The following PDLIM1 variants were observed in gnomAD, a reference collection of about 807,000 sequenced individuals.
PDLIM1 encodes PDZ and LIM domain 1.
Under a neutral mutation model 35.2 loss-of-function variants are expected in PDLIM1, and 25 were observed. The ratio of observed to expected loss-of-function variants is 0.71; its 90% CI spans 0.52 to 0.99. The LOEUF (loss-of-function observed/expected upper bound fraction) is 0.99. Ranked by LOEUF, PDLIM1 falls within the 50% of genes least tolerant of loss-of-function variation. The pLI is 0.00. For synonymous variants in PDLIM1, 152 were observed against 154.0 expected (o/e 0.99, Z 0.10); for missense variants, 363 against 415.3 (o/e 0.87, Z 1.09).
intron 4 of PDLIM1, among the ~76,000 whole-genome samples, chr10:95,253,294 G>A (rs959219870): frequency 5.3e-5 from 8 of 152,166 alleles, no homozygotes; most frequent in African/African-American, 1.9e-4. Flanking sequence ...CTTCAAGAAT[G>A]AAGGAGAAAT....
At position 95,290,074 on chromosome 10, in the gene PDLIM1, T is replaced by G. The variant is rs943630055; in HGVS notation, c.96+746A>C. Among the ~76,000 whole-genome samples, 1 of 152,128 alleles carries G rather than the reference T, an allele frequency of 6.6e-6. No individual in the cohort carries two copies. The highest frequency in any genetic ancestry group is 1.5e-5 in the Non-Finnish European group (1 of 68,036). On this transcript the variant is annotated intron_variant, in intron 1 of 6. Coordinates refer to ENST00000329399, the MANE Select transcript of PDLIM1 (RefSeq NM_020992.4). The surrounding 1 kb of genome is among the most constrained non-coding windows in gnomAD (Gnocchi z 4.7). ...AAAGATCCGAAGCCCCTCTTAGATT[T>G]CAAGCACCTCAACCCCACCCCAGGT...
At chr10:95,246,852 C>A (rs1424307844) in intron 5 of PDLIM1, among the ~76,000 whole-genome samples, 1 of 152,144 alleles carries the variant, frequency 6.6e-6, no homozygotes, top group Non-Finnish European at 1.5e-5. Context: ...CACTGAAGTT[C>A]CTCAGCCACT....
intron 5 of PDLIM1, among the ~76,000 whole-genome samples, chr10:95,243,654 G>C (rs2035196134): frequency 6.6e-6 from 1 of 152,128 alleles, no homozygotes; most frequent in African/African-American, 2.4e-5. Flanking sequence ...GGCCACCACT[G>C]TGTTTTCTCA....
At chr10:95,283,985 G>GTGTGTGTA (rs2035580900) in intron 1 of PDLIM1, among the ~76,000 whole-genome samples, 2 of 87,770 alleles carry the variant, frequency 2.3e-5, no homozygotes, top group Non-Finnish European at 5.6e-5. Flanking sequence ...TTTTCTCTGT[G>GTGTGTGTA]TGTGTGTGTG....
At chr10:95,251,034 T>A (rs991418669) in intron 4 of PDLIM1, among the ~76,000 whole-genome samples, 3 of 151,950 alleles carry the variant, frequency 2.0e-5, no homozygotes, top group African/African-American at 7.3e-5. Flanking sequence ...CAGAGGAGGA[T>A]TTTGGAGGCT....
Position 95,290,892 on chromosome 10 carries a change from G to T in PDLIM1, c.24C>A (p.Leu8=). The T allele has an allele frequency of 6.4e-7, 1 of 1,563,564 alleles. No individual in the cohort carries two copies. Among genetic ancestry groups the T allele is most frequent in the Non-Finnish European group, 8.7e-7 (1 of 1,154,574 alleles). The change falls in exon 1 of 7, where the codon CTC becomes CTA. Residue 8 remains leucine (L), a synonymous_variant. Coordinates refer to ENST00000329399, the MANE Select transcript of PDLIM1 (RefSeq NM_020992.4). The surrounding 1 kb of genome is among the most constrained non-coding windows in gnomAD (Gnocchi z 4.7). ...GGAAGCCCCACGGCCCCGGGCCCTG[G>T]AGGTCTATCTGCTGGGTGGTCATGG... The part of the protein sequence containing the change: MTTQQID[L]QGPGPWGFRL...
At chr10:95,244,126 T>A (rs941786263) in intron 5 of PDLIM1, among the ~76,000 whole-genome samples, 2 of 152,176 alleles carry the variant, frequency 1.3e-5, no homozygotes, top group Non-Finnish European at 2.9e-5. Context: ...TATTTCACCA[T>A]TTTTCTTAAT....
At position 95,237,830 on chromosome 10, in the gene PDLIM1, T is replaced by C. The variant is rs2133405426; in HGVS notation, c.*95A>G. On this transcript the variant is annotated 3_prime_UTR_variant, in exon 7 of 7. Coordinates refer to ENST00000329399, the MANE Select transcript of PDLIM1 (RefSeq NM_020992.4). ...TTTACAAGCAGAGGGAAAACCAAAG[T>C]AAGCAGAGAACTTTCAAGAGAGGAG... 9.2e-7 allele frequency: 1 copy of C among 1,092,646 alleles called. No individual in the cohort carries two copies. The highest frequency in any genetic ancestry group is 1.3e-6 in the Non-Finnish European group (1 of 759,084). 67.7% of individuals were successfully genotyped at this position (1,092,646 alleles called of 1,614,324 possible).
chr10:95,241,586 C>T (rs12415795), intron 5 of PDLIM1, among the ~76,000 whole-genome samples: 46,683 of 152,044 alleles, frequency 0.31, 7,989 homozygotes, highest in Non-Finnish European at 0.39. Flanking sequence ...ACAACAAGGA[C>T]TCATATGGCC....
Position 95,238,667 on chromosome 10 carries a change from G to A in PDLIM1, c.704C>T (p.Ser235Leu). 1 of 1,612,834 alleles carries A rather than the reference G, an allele frequency of 6.2e-7. No individual in the cohort carries two copies. Among genetic ancestry groups the A allele is most frequent in the Non-Finnish European group, 8.5e-7 (1 of 1,178,824 alleles). Residue 235 changes from serine to leucine, a missense_variant, in exon 6 of 7, where the codon TCA becomes TTA. By Grantham distance (145) the Ser-to-Leu change is moderately radical. Coordinates refer to ENST00000329399, the MANE Select transcript of PDLIM1 (RefSeq NM_020992.4). ...AGGAGCTTTAACACTTCTGAATCCT[G>A]AGGGCTTGTTGGGATCCCCTGAAAT... is the stretch of plus-strand genomic sequence containing the variant. ...SEEKGDPNKP[S>L]GFRSVKAPVT...
intron 4 of PDLIM1, among the ~76,000 whole-genome samples, chr10:95,260,043 T>A (rs527248490): frequency 1.3e-5 from 2 of 152,352 alleles, no homozygotes; most frequent in East Asian, 3.9e-4. Context: ...CCCCCAGTTC[T>A]CAGAAGTGAT....
At chr10:95,263,234 TC>T (rs1233918602) in intron 4 of PDLIM1, among the ~76,000 whole-genome samples, 2 of 151,810 alleles carry the variant, frequency 1.3e-5, no homozygotes, top group Admixed American at 1.3e-4. Context: ...GCAAGGCACT[TC>T]CTCAGACACC....
At chr10:95,248,413 AT>A (rs2035241216) in intron 4 of PDLIM1, among the ~76,000 whole-genome samples, 1 of 151,918 alleles carries the variant, frequency 6.6e-6, no homozygotes, top group South Asian at 2.1e-4. Flanking sequence ...TCCCCCGCTG[AT>A]TTTGTCATTA....
intron 3 of PDLIM1, among the ~76,000 whole-genome samples, chr10:95,265,768 C>T (rs1441364872): frequency 1.3e-5 from 2 of 151,294 alleles, no homozygotes; most frequent in Admixed American, 1.3e-4. Context: ...GTTAGACAGT[C>T]AAGTAGCCTG....
intron 5 of PDLIM1, 158 bp from the exon 6 acceptor site, chr10:95,238,843 G>T: frequency 1.8e-6 from 1 of 547,172 alleles, no homozygotes; most frequent in East Asian, 2.9e-5. Flanking sequence ...AGCCTCTCTG[G>T]TCCCCAGTTT....
chr10:95,276,896 T>TAAAAAAAAAAA (rs61442624), intron 1 of PDLIM1, among the ~76,000 whole-genome samples: 2 of 68,878 alleles, frequency 2.9e-5, no homozygotes, highest in Non-Finnish European at 5.2e-5. Flanking sequence ...TTCAGTTTCC[T>TAAAAAAAAAAA]AAAAAAAAAA....
intron 1 of PDLIM1, among the ~76,000 whole-genome samples, chr10:95,275,852 T>C (rs1055653159): frequency 6.6e-6 from 1 of 152,178 alleles, no homozygotes; most frequent in Non-Finnish European, 1.5e-5. Context: ...GCCTGAGTAA[T>C]TGAGGTCTGG....
chr10:95,282,688 C>G (rs1035489633), intron 1 of PDLIM1, among the ~76,000 whole-genome samples: 1 of 152,194 alleles, frequency 6.6e-6, no homozygotes, highest in Non-Finnish European at 1.5e-5. Flanking sequence ...GCCGGTAATC[C>G]CAGCACTTTG....
intron 4 of PDLIM1, among the ~76,000 whole-genome samples, chr10:95,262,625 G>A (rs535970473): frequency 1.5e-4 from 18 of 122,348 alleles, no homozygotes; most frequent in Non-Finnish European, 2.8e-4. Flanking sequence ...TGTTTACTCA[G>A]AGCTCTGCCT....
Sources: allele counts gnomAD v4.1 joint callset (sites outside exome capture counted in the v4.1 genomes callset), GRCh38; gene constraint gnomAD v4.1.1; non-coding constraint Gnocchi (gnomAD v3.1); transcripts MANE v1.5; gene names NCBI Gene and HGNC (gene_info 2026-07-23, HGNC 2026-07-21).